The following SLCO3A1 variants were observed in gnomAD, a reference collection of about 807,000 sequenced individuals.
SLCO3A1 encodes the protein PGE1 transporter.
Under a neutral mutation model 63.1 loss-of-function variants are expected in SLCO3A1, and 27 were observed. The ratio of observed to expected loss-of-function variants is 0.43; its 90% confidence interval spans 0.32 to 0.59. The LOEUF (loss-of-function observed/expected upper bound fraction) is 0.59, where lower values mean the gene tolerates loss of function less well. SLCO3A1 is among the 20% of genes least tolerant of loss of function. SLCO3A1 has a pLI of 0.09. For missense variants in SLCO3A1, 773 were observed against 945.8 expected (o/e 0.82, Z 2.40); for synonymous variants, 473 against 409.9 (o/e 1.15, Z -1.86).
chr15:92,099,939 A>G (rs1277184802), intron 3 of SLCO3A1, among the ~76,000 whole-genome samples: 1 of 151,904 alleles, frequency 6.6e-6, no homozygotes, highest in Non-Finnish European at 1.5e-5. Flanking sequence ...GTTGGTAGGC[A>G]CCTGTAATCT....
At chr15:91,969,954 T>G (rs1023842629) in intron 2 of SLCO3A1, among the ~76,000 whole-genome samples, 3 of 152,232 alleles carry the variant, frequency 2.0e-5, no homozygotes, top group African/African-American at 7.2e-5. Flanking sequence ...TAGCTAGTTC[T>G]GTGTGTGTCA....
chr15:92,036,376 T>G (rs1318681954), intron 2 of SLCO3A1, among the ~76,000 whole-genome samples: 1 of 151,686 alleles, frequency 6.6e-6, no homozygotes, highest in Non-Finnish European at 1.5e-5. Flanking sequence ...TTTTTTTTTT[T>G]TCTATCTGTG....
chr15:91,985,454 T>C (rs1454710549), intron 2 of SLCO3A1, among the ~76,000 whole-genome samples: 1 of 152,222 alleles, frequency 6.6e-6, no homozygotes, highest in African/African-American at 2.4e-5. Context: ...TTGGTGAACA[T>C]ATGCCCACAT....
At chr15:91,879,857 T>C (rs575490344) in intron 1 of SLCO3A1, among the ~76,000 whole-genome samples, 3 of 152,318 alleles carry the variant, frequency 2.0e-5, no homozygotes, top group South Asian at 2.1e-4. Flanking sequence ...ACGAGATTCC[T>C]GAAGAGGATC....
intron 1 of SLCO3A1, among the ~76,000 whole-genome samples, chr15:91,858,138 C>A (rs1009617132): frequency 2.6e-5 from 4 of 151,798 alleles, no homozygotes; most frequent in African/African-American, 9.7e-5. Flanking sequence ...AAAGAAACAT[C>A]ATTTCGAAGA....
chr15:92,156,924 T>C (rs2048378166), intron 9 of SLCO3A1, among the ~76,000 whole-genome samples: 1 of 152,058 alleles, frequency 6.6e-6, no homozygotes, highest in African/African-American at 2.4e-5. Context: ...GGAATATAAA[T>C]AGGCCCAGCC....
chr15:92,140,867 G>C (rs1017336850), intron 7 of SLCO3A1, among the ~76,000 whole-genome samples: 3 of 152,152 alleles, frequency 2.0e-5, no homozygotes, highest in Non-Finnish European at 4.4e-5. Flanking sequence ...TTGAGCCTAT[G>C]TGCAAGTAGT....
intron 2 of SLCO3A1, among the ~76,000 whole-genome samples, chr15:91,939,152 G>A (rs188993183): frequency 2.2e-4 from 33 of 152,296 alleles, no homozygotes; most frequent in Admixed American, 1.5e-3. Flanking sequence ...TGCTTCTGGG[G>A]AGGCCTCTGG....
At chr15:91,946,216 G>A (rs1389378059) in intron 2 of SLCO3A1, among the ~76,000 whole-genome samples, 1 of 152,162 alleles carries the variant, frequency 6.6e-6, no homozygotes, top group East Asian at 1.9e-4. Flanking sequence ...TTAGGGCAGC[G>A]TCTTCTCTGC....
At chr15:92,152,298 C>T (rs372916672) in intron 9 of SLCO3A1, among the ~76,000 whole-genome samples, 8 of 152,324 alleles carry the variant, frequency 5.3e-5, no homozygotes, top group African/African-American at 1.9e-4. Context: ...CTCTCCTCAC[C>T]TTCCTTCTCC....
chr15:91,978,696 A>G (rs1036129409), intron 2 of SLCO3A1, among the ~76,000 whole-genome samples: 1 of 152,204 alleles, frequency 6.6e-6, no homozygotes, highest in African/African-American at 2.4e-5. Context: ...ATTATATGTT[A>G]ATGATTTTAC....
intron 7 of SLCO3A1, among the ~76,000 whole-genome samples, chr15:92,146,675 C>T (rs1596144732): frequency 6.6e-6 from 1 of 152,114 alleles, no homozygotes; most frequent in African/African-American, 2.4e-5. Flanking sequence ...ATTGTGGAAG[C>T]GCAATTTCCT....
intron 1 of SLCO3A1, among the ~76,000 whole-genome samples, chr15:91,907,855 C>A (rs1597109516): frequency 1.3e-5 from 2 of 152,266 alleles, no homozygotes; most frequent in Non-Finnish European, 2.9e-5. Context: ...GAAAGCCAGG[C>A]CGACTCTCAC....
chr15:92,145,372 A>G (rs1378173080), intron 7 of SLCO3A1, among the ~76,000 whole-genome samples: 4 of 152,158 alleles, frequency 2.6e-5, no homozygotes, highest in African/African-American at 9.7e-5. Flanking sequence ...GCTTCCTAAT[A>G]AAAGTGAGGA....
chr15:91,920,461 G>A (rs1396037993), intron 2 of SLCO3A1, among the ~76,000 whole-genome samples: 5 of 152,184 alleles, frequency 3.3e-5, no homozygotes, highest in East Asian at 1.9e-4. Flanking sequence ...ATGGAGTATT[G>A]GAGGTAGGAT....
At chr15:92,158,696 C>A (rs1373480549) in intron 9 of SLCO3A1, among the ~76,000 whole-genome samples, 1 of 152,126 alleles carries the variant, frequency 6.6e-6, no homozygotes, top group Admixed American at 6.5e-5. Flanking sequence ...AAATGAGTCA[C>A]CAAGGTGGAA....
chr15:91,935,955 G>C (rs1322596304), intron 2 of SLCO3A1, among the ~76,000 whole-genome samples: 1 of 152,190 alleles, frequency 6.6e-6, no homozygotes, highest in Non-Finnish European at 1.5e-5. Context: ...GCTTATCATG[G>C]AGAGAGCACT....
chr15:91,963,408 TG>T (rs67196103), intron 2 of SLCO3A1, among the ~76,000 whole-genome samples: 507 of 22,780 alleles, frequency 0.022, 2 homozygotes, highest in Middle Eastern at 0.19. Flanking sequence ...TCGGGGAGGG[TG>T]GGGGGGGGGG....
At chr15:91,979,151 T>A (rs1280088521) in intron 2 of SLCO3A1, among the ~76,000 whole-genome samples, 1 of 152,238 alleles carries the variant, frequency 6.6e-6, no homozygotes, top group Non-Finnish European at 1.5e-5. Flanking sequence ...ACGGGTTTAG[T>A]ACCCCTTAGC....
Sources: gnomAD v4.1 joint callset for allele counts (sites outside exome capture counted in the v4.1 genomes callset) on GRCh38, gnomAD v4.1.1 for gene constraint, MANE v1.5 for transcripts, NCBI Gene and HGNC (gene_info 2026-07-23, HGNC 2026-07-21) for gene names.